Variants in OLR1 observed in about 807,000 individuals in gnomAD.
The protein encoded by OLR1 is oxidized low-density lipoprotein receptor 1.
OLR1 carries 23 observed loss-of-function variants against 31.7 expected under a neutral mutation model. That is an observed-to-expected ratio of 0.72 (90% CI 0.52 to 1.03). The LOEUF is 1.03. Among genes scored for constraint, OLR1 ranks in the 50% least tolerant of loss-of-function variants. OLR1 has a pLI of 0.00. For synonymous variants in OLR1, 117 were observed against 115.8 expected, an observed-to-expected ratio of 1.01 and a Z score of -0.07; for missense variants, 286 against 315.7, an observed-to-expected ratio of 0.91 and a Z score of 0.71.
chr12:10,160,966 G>T, intron 3 of OLR1, 41 bp from the exon 4 acceptor site: 2 of 1,586,558 alleles, frequency 1.3e-6, no homozygotes, highest in Non-Finnish European at 1.7e-6. Flanking sequence ...TTATGTTTGT[G>T]TAAAAGCAGT....
Position 10,169,080 on chromosome 12 carries a change from T to C in OLR1, c.172A>G (p.Met58Val). 6.2e-7 allele frequency: 1 copy of C among 1,604,084 alleles called. No individual in the cohort carries two copies. Among genetic ancestry groups the C allele is most frequent in the South Asian group, 1.1e-5 (1 of 89,160 alleles). The change falls in exon 2 of 6, where the codon ATG (methionine) becomes GTG (valine). Residue 58 changes from methionine to valine, a missense_variant. By Grantham distance (21) the Met-to-Val change is conservative. Coordinates refer to ENST00000309539, the MANE Select transcript of OLR1 (RefSeq NM_002543.4). Reference protein sequence around the residue: ...GLVVTIMVLGMQLSQVSDLLT... With the variant: ...GLVVTIMVLGVQLSQVSDLLT... ...TCCGTATTTTAGCACTTACATTGCATGCCCAGCACCATAATGGTCACTACT... is the reference window on the plus strand; with the variant it reads ...TCCGTATTTTAGCACTTACATTGCACGCCCAGCACCATAATGGTCACTACT...
At chr12:10,160,705 A>G in intron 4 of OLR1, 81 bp downstream of exon 4, 7 of 1,535,984 alleles carry the variant, frequency 4.6e-6, no homozygotes, top group Non-Finnish European at 6.2e-6. Context: ...TCAAACAAGA[A>G]TTCCTCCAGT....
chr12:10,163,519 A>G (rs182209168), intron 3 of OLR1, among the ~76,000 whole-genome samples: 1 of 151,924 alleles, frequency 6.6e-6, no homozygotes, highest in Non-Finnish European at 1.5e-5. Flanking sequence ...CCTCATATAT[A>G]CATTGAAGAC....
intron 3 of OLR1, among the ~76,000 whole-genome samples, chr12:10,161,668 A>G (rs1948620645): frequency 6.6e-6 from 1 of 152,116 alleles, no homozygotes; most frequent in Admixed American, 6.6e-5. Context: ...TCAGCCTCCC[A>G]AAGTGCTGGA....
rs940257491 is a variant in OLR1, at chr12:10,166,616, A to G, written c.424+96T>C. ...TGAATGAATAATGATATGCATAACA[A>G]TAGACCAATTTTGAGCCCAGAATTG... On this transcript the variant is annotated intron_variant, in intron 3 of 5. Transcript: ENST00000309539. 3.8e-6 allele frequency: 5 copies of G among 1,325,906 alleles called. No individual in the cohort carries two copies. The African/African-American group carries it at 7.3e-5, about 19-fold the overall frequency. 82.1% of individuals were successfully genotyped at this position (1,325,906 alleles called of 1,614,324 possible).
upstream of OLR1, among the ~76,000 whole-genome samples, chr12:10,173,525 A>T (rs950863146): frequency 3.5e-5 from 5 of 143,014 alleles, no homozygotes; most frequent in Admixed American, 2.1e-4. Context: ...CATGCCTGTA[A>T]TCTCAGCACT....
At chr12:10,165,271 A>G (rs978378036) in intron 3 of OLR1, among the ~76,000 whole-genome samples, 7 of 148,510 alleles carry the variant, frequency 4.7e-5, no homozygotes, top group African/African-American at 1.7e-4. Context: ...TCAAAAAAAA[A>G]AAAAGAAAAT....
At chr12:10,173,843 C>G (rs1948745264), upstream of OLR1, among the ~76,000 whole-genome samples, 1 of 151,070 alleles carries the variant, frequency 6.6e-6, no homozygotes, top group South Asian at 2.1e-4. Flanking sequence ...TCTACAGTGA[C>G]TCAGTTATTT....
chr12:10,159,808 A>C lies in OLR1; in HGVS notation c.*72T>G. 6.9e-7 allele frequency: 1 copy of C among 1,453,044 alleles called. No homozygotes were observed. Among genetic ancestry groups the C allele is most frequent in the Non-Finnish European group, 9.3e-7 (1 of 1,077,994 alleles). 90.0% of individuals were successfully genotyped at this position (1,453,044 alleles called of 1,614,324 possible). A position where few individuals can be genotyped will look rare whatever the true frequency, so the allele number is the denominator to read the frequency against. ...TCTGGGCTCTCATGTTTGGCACCCAAGTGACAAAGAATAGCTTAAATTCCA... is the reference window on the plus strand; with the variant it reads ...TCTGGGCTCTCATGTTTGGCACCCACGTGACAAAGAATAGCTTAAATTCCA... On this transcript the variant is annotated 3_prime_UTR_variant, in exon 6 of 6. Transcript: ENST00000309539.
chr12:10,172,340 G>A, upstream of OLR1: 2 of 348,586 alleles, frequency 5.7e-6, no homozygotes, highest in South Asian at 9.7e-5. Flanking sequence ...TTATGAAAGG[G>A]AAAACTATTT....
At chr12:10,165,750 G>A (rs370674816) in intron 3 of OLR1, among the ~76,000 whole-genome samples, 32 of 151,580 alleles carry the variant, frequency 2.1e-4, no homozygotes, top group African/African-American at 6.6e-4. Context: ...GTGACACAGC[G>A]AGACTGTCTC....
chr12:10,160,374 T>C lies in OLR1; in HGVS notation c.653A>G (p.Glu218Gly). 1 of 1,613,688 alleles carries C rather than the reference T, an allele frequency of 6.2e-7. No homozygotes were observed. The highest frequency in any genetic ancestry group is 8.5e-7 in the Non-Finnish European group (1 of 1,179,814). ...GTGGGGCATCAAAGGAGAACCGTCC[T>C]CCCAGAGCCATGGGTAGCTGGGGTT... Reference protein sequence around the residue: ...RRNPSYPWLWEDGSPLMPHLF... With the variant: ...RRNPSYPWLWGDGSPLMPHLF... The change falls in exon 5 of 6, where the codon GAG becomes GGG. Residue 218 changes from glutamate (E) to glycine (G), a missense_variant. Coordinates refer to ENST00000309539, the MANE Select transcript of OLR1 (RefSeq NM_002543.4).
chr12:10,161,016 C>A (rs34418327), intron 3 of OLR1, 91 bp from the exon 4 acceptor site: 14,630 of 1,251,172 alleles, frequency 0.012, 116 homozygotes, highest in South Asian at 0.017. Flanking sequence ...AGTTCTCTCA[C>A]GTGCATACTA....
Position 10,166,708 on chromosome 12 carries a change from A to G in OLR1, c.424+4T>C, listed in dbSNP as rs1157647605. 13 of 1,613,858 alleles carry G rather than the reference A, an allele frequency of 8.1e-6. No homozygotes were observed. In the Admixed American group the frequency reaches 1.2e-4, roughly 14 times the overall value. On this transcript the variant is annotated splice_donor_region_variant and intron_variant, in intron 3 of 5. Coordinates refer to ENST00000309539, the MANE Select transcript of OLR1 (RefSeq NM_002543.4). The stretch of plus-strand genomic sequence containing the variant: ...TGTCTCCTTACCCACCCTTCTCCCA[A>G]TACCTGAACAATTTGCTACTCTCTT...
At chr12:10,174,648 C>A (rs1024739584), upstream of OLR1, among the ~76,000 whole-genome samples, 9 of 152,206 alleles carry the variant, frequency 5.9e-5, no homozygotes, top group African/African-American at 2.2e-4. Context: ...GCTCTATAAT[C>A]ATACAAGCCA....
chr12:10,160,246 A>G, intron 5 of OLR1, 101 bp downstream of exon 5: 1 of 1,008,982 alleles, frequency 9.9e-7, no homozygotes, highest in Non-Finnish European at 1.5e-6. Context: ...CTCTCTGGCA[A>G]GAAGAGGACA....
upstream of OLR1, among the ~76,000 whole-genome samples, chr12:10,172,804 A>G (rs751642495): frequency 1.3e-5 from 2 of 152,196 alleles, no homozygotes; most frequent in African/African-American, 2.4e-5. Context: ...GAAATTAGGG[A>G]TAATGTCTAC....
At chr12:10,161,455 C>T (rs1948619008) in intron 3 of OLR1, among the ~76,000 whole-genome samples, 1 of 152,184 alleles carries the variant, frequency 6.6e-6, no homozygotes, top group South Asian at 2.1e-4. Flanking sequence ...AATTTCATAT[C>T]TTTGAATAAT....
At chr12:10,167,230 C>A (rs1281918402) in intron 2 of OLR1, 3 of 304,362 alleles carry the variant, frequency 9.9e-6, no homozygotes, top group South Asian at 7.0e-5. Flanking sequence ...GTAATCCCAG[C>A]ACTTTGGGAG....
Sources: gnomAD v4.1 joint callset for allele counts (sites outside exome capture counted in the v4.1 genomes callset) on GRCh38, gnomAD v4.1.1 for gene constraint, MANE v1.5 for transcripts, NCBI Gene and HGNC (gene_info 2026-07-23, HGNC 2026-07-21) for gene names.